The following COL27A1 variants were observed in gnomAD, a reference collection of about 807,000 sequenced individuals.
COL27A1 encodes the protein collagen type XXVII alpha 1 chain, also known as collagen alpha-1(XXVII) chain.
COL27A1 carries 106 observed loss-of-function variants against 251.3 expected under a neutral mutation model. The observed-to-expected ratio is 0.42, with a 90% CI of 0.36 to 0.50. The LOEUF (loss-of-function observed/expected upper bound fraction) is 0.50. COL27A1 is among the 20% of genes least tolerant of loss of function. The probability of loss-of-function intolerance (pLI) is 0.00; values close to 1 mark genes in which losing one functional copy is unlikely to be tolerated. For synonymous variants in COL27A1, 1,000 were observed against 986.3 expected (o/e 1.01, Z -0.26); for missense variants, 2,325 against 2,522.8 (o/e 0.92, Z 1.68).
chr9:114,265,172 T>A, intron 31 of COL27A1, 62 bp downstream of exon 31: 4 of 447,272 alleles, frequency 8.9e-6, no homozygotes, highest in East Asian at 4.4e-5. Flanking sequence ...GGGGGGCGGG[T>A]GCGGTGCTGA....
Position 114,275,663 on chromosome 9 carries a change from G to T in COL27A1, c.3612G>T (p.Gly1204=), listed in dbSNP as rs755855884. The change falls in exon 37 of 61, where the codon GGG becomes GGT. Residue 1204 remains glycine, a splice_region_variant and synonymous_variant. Transcript: ENST00000356083. ...CCTCTTCATGCCCTGCCACCCAGGG[G>T]GACAGGGGAGACCCAGGGCCTGATG... ...SGPMGPDGLK[G]DRGDPGPDGE... 1.3e-6 allele frequency: 2 copies of T among 1,545,970 alleles called. No homozygotes were observed. The highest frequency in any genetic ancestry group is 2.4e-5 in the South Asian group (2 of 83,786).
At chr9:114,271,380 C>T (rs1395510285) in intron 36 of COL27A1, 1 of 155,420 alleles carries the variant, frequency 6.4e-6, no homozygotes, top group South Asian at 2.0e-4. Flanking sequence ...AGCCTCTGCT[C>T]ACTCTGCTGT....
rs781175138 is a variant in COL27A1 at position 114,205,175 on chromosome 9, G to T, written c.2169+29G>T. On this transcript the variant is annotated intron_variant, in intron 8 of 60. Transcript: ENST00000356083. ...AGGGCCTCAGCCTCAGCCCTGCCCTGGTCGCTCTCCCTCCTCCCAGCCCCT... is the reference window on the plus strand; with the variant it reads ...AGGGCCTCAGCCTCAGCCCTGCCCTTGTCGCTCTCCCTCCTCCCAGCCCCT... The T allele has an allele frequency of 2.5e-6, 4 of 1,605,866 alleles. No individual in the cohort carries two copies. In the South Asian group the frequency reaches 4.4e-5, roughly 18 times the overall value.
rs746839506 is a variant in COL27A1 at position 114,167,976 on chromosome 9, T to C, written c.421T>C (p.Ser141Pro). The C allele has an allele frequency of 1.9e-6, 3 of 1,605,844 alleles. No individual in the cohort carries two copies. In the African/African-American group the frequency reaches 4.0e-5, roughly 21 times the overall value. ...LPGKTVVHLGSRRSVAFDLDM... is the reference protein window; with the variant it reads ...LPGKTVVHLGPRRSVAFDLDM... ...CGGCAAGACGGTCGTCCACCTCGGG[T>C]CCCGGCGCTCAGTGGCCTTCGACCT... The change falls in exon 3 of 61, where the codon TCC (serine) becomes CCC (proline). Residue 141 changes from serine to proline, a missense_variant. By Grantham distance (74) the Ser-to-Pro change is moderately conservative. This residue lies in a region of COL27A1 where 1,183 missense variants were observed against 1,144.1 expected (regional missense o/e 1.03). Coordinates refer to ENST00000356083, the MANE Select transcript of COL27A1 (RefSeq NM_032888.4).
chr9:114,302,091 G>C lies in COL27A1; in HGVS notation c.4855G>C (p.Gly1619Arg), dbSNP rs1365533417. Residue 1619 changes from glycine to arginine, a missense_variant, in exon 56 of 61, where the codon GGG (glycine) becomes CGG (arginine). By Grantham distance (125) the Gly-to-Arg change is moderately radical (BLOSUM62 -2). Transcript: ENST00000356083. ...RGRPGPPGPP[G>R]GPIQLQQDDL... ...CAGTCTTCTTTTGCAGGGTCCTCCA[G>C]GGGGTCCTATCCAATTGGTAAGTTG... is the stretch of plus-strand genomic sequence containing the variant. 6.2e-7 allele frequency: 1 copy of C among 1,612,540 alleles called. No individual in the cohort carries two copies. The highest frequency in any genetic ancestry group is 2.2e-5 in the East Asian group (1 of 44,878).
At chr9:114,187,303 A>T (rs949340835) in intron 5 of COL27A1, among the ~76,000 whole-genome samples, 3 of 152,254 alleles carry the variant, frequency 2.0e-5, no homozygotes, top group Non-Finnish European at 4.4e-5. Flanking sequence ...CCTGGGCCTC[A>T]GCCACCCAAG....
intron 45 of COL27A1, 140 bp from the exon 46 acceptor site, chr9:114,289,918 C>T: frequency 1.0e-6 from 1 of 981,386 alleles, no homozygotes; most frequent in Non-Finnish European, 1.6e-6. Flanking sequence ...CCCAGGCTTC[C>T]AGGCCAGAGT....
chr9:114,235,227 G>A (rs769430740), intron 16 of COL27A1, among the ~76,000 whole-genome samples: 7 of 152,326 alleles, frequency 4.6e-5, no homozygotes, highest in East Asian at 1.9e-4. Flanking sequence ...CCTTGCACAC[G>A]CTGCCTTCAC....
rs138966191 is a variant in COL27A1, at chr9:114,288,716, T to G, written c.4059T>G (p.Asp1353Glu). ...GPPGDRGPVG[D>E]RGDRGEPGDP... ...TTGTCATTCAGGGCCCTGTGGGTGA[T>G]CGAGGAGACCGCGGGGAACCGGGAG... Residue 1353 changes from aspartate to glutamate, a missense_variant, in exon 43 of 61, where the codon GAT (aspartate) becomes GAG (glutamate). Coordinates refer to ENST00000356083, the MANE Select transcript of COL27A1 (RefSeq NM_032888.4). 6.8e-4 allele frequency: 1,096 copies of G among 1,610,724 alleles called. 6 individuals are homozygous for G. The African/African-American group carries it at 0.013, about 19-fold the overall frequency.
chr9:114,309,741 G>C (rs889008215), intron 60 of COL27A1, among the ~76,000 whole-genome samples: 3 of 152,108 alleles, frequency 2.0e-5, no homozygotes, highest in African/African-American at 7.2e-5. Context: ...TACTTGCAAG[G>C]CTCTTTCAAA....
intron 35 of COL27A1, among the ~76,000 whole-genome samples, chr9:114,269,614 CAA>C (rs552967033): frequency 0.14 from 9,945 of 68,926 alleles, 482 homozygotes; most frequent in South Asian, 0.21. Flanking sequence ...GACTCCATCT[CAA>C]AAAAAAAAAA....
intron 27 of COL27A1, among the ~76,000 whole-genome samples, chr9:114,253,309 A>AAGAAAGAAAGAGAGAGGAAGGGAGGGG: frequency 6.6e-6 from 1 of 151,292 alleles, no homozygotes; most frequent in Non-Finnish European, 1.5e-5. Context: ...GAAAGAAAGA[A>AAGAAAGAAAGAGAGAGGAAGGGAGGGG]AGAAAGAAAG....
intron 1 of COL27A1, among the ~76,000 whole-genome samples, chr9:114,162,227 G>A (rs1451395851): frequency 2.6e-5 from 4 of 152,214 alleles, no homozygotes; most frequent in Non-Finnish European, 5.9e-5. Context: ...AAGCAGTCCA[G>A]CCTGGTCTTC....
At chr9:114,196,728 C>G (rs1829163159) in intron 7 of COL27A1, among the ~76,000 whole-genome samples, 1 of 152,186 alleles carries the variant, frequency 6.6e-6, no homozygotes, top group Non-Finnish European at 1.5e-5. Flanking sequence ...CCATTTCAGC[C>G]ATGCTGGGGG....
At chr9:114,207,291 G>A (rs1041262523) in intron 10 of COL27A1, among the ~76,000 whole-genome samples, 1 of 152,198 alleles carries the variant, frequency 6.6e-6, no homozygotes, top group Non-Finnish European at 1.5e-5. Context: ...AGGAGAGTGT[G>A]GGGAGGCGGG....
At chr9:114,186,563 G>A (rs933692787) in intron 5 of COL27A1, among the ~76,000 whole-genome samples, 12 of 152,210 alleles carry the variant, frequency 7.9e-5, no homozygotes, top group African/African-American at 1.7e-4. Flanking sequence ...TCCGGGAGGT[G>A]AGGGACACCT....
At position 114,210,969 on chromosome 9, in the gene COL27A1, C is replaced by T. The variant is rs753309433; in HGVS notation, c.2323-13C>T. 1.2e-6 allele frequency: 2 copies of T among 1,614,134 alleles called. No individual in the cohort carries two copies. The highest frequency in any genetic ancestry group is 1.7e-6 in the Non-Finnish European group (2 of 1,179,970). ...CATCCTGCCCTGACCTCTCCCCTGTCTCTCCCCTGCAGGGCCTGCCTGGCG... is the reference window on the plus strand; with the variant it reads ...CATCCTGCCCTGACCTCTCCCCTGTTTCTCCCCTGCAGGGCCTGCCTGGCG... On this transcript the variant is annotated splice_polypyrimidine_tract_variant and intron_variant, in intron 11 of 60. Transcript: ENST00000356083.
chr9:114,199,659 C>G (rs899723803), intron 7 of COL27A1, among the ~76,000 whole-genome samples: 2 of 152,208 alleles, frequency 1.3e-5, no homozygotes, highest in African/African-American at 4.8e-5. Context: ...AGTGACGCCT[C>G]ACTTCCTGAC....
chr9:114,184,998 T>C (rs1486217869), intron 5 of COL27A1, among the ~76,000 whole-genome samples: 1 of 152,156 alleles, frequency 6.6e-6, no homozygotes, highest in Non-Finnish European at 1.5e-5. Flanking sequence ...GCTCCTGTGG[T>C]AGCAGATGCT....
Sources: gnomAD v4.1 joint callset for allele counts (sites outside exome capture counted in the v4.1 genomes callset) on GRCh38, gnomAD v4.1.1 for gene constraint, gnomAD v4.1.1 regional missense constraint, MANE v1.5 for transcripts, NCBI Gene and HGNC (gene_info 2026-07-23, HGNC 2026-07-21) for gene names.